The following EGF variants were observed in gnomAD, a reference collection of about 807,000 sequenced individuals.
The protein encoded by EGF is pro-epidermal growth factor.
In EGF, 95 loss-of-function variants were observed where a neutral mutation model predicts 143.8. The observed-to-expected ratio is 0.66, with a 90% CI of 0.56 to 0.78. The LOEUF (loss-of-function observed/expected upper bound fraction) is 0.78. Ranked by LOEUF, EGF falls within the 30% of genes least tolerant of loss-of-function variation. EGF has a pLI of 0.00. For missense variants in EGF, 1,320 were observed against 1,470.9 expected (o/e 0.90, Z 1.68); for synonymous variants, 510 against 510.5 (o/e 1.00, Z 0.01).
chr4:109,952,222 A>G lies in EGF; in HGVS notation c.940+6947A>G, dbSNP rs531032828. Among the ~76,000 whole-genome samples, 7 of 152,302 alleles carry G rather than the reference A, an allele frequency of 4.6e-5. No homozygotes were observed. In the East Asian group the frequency reaches 1.2e-3, roughly 25 times the overall value. ...TTTACAACTACTTTATTGCTCATAG[A>G]TATTATGTTGTAAAAGGTCCAAATA... On this transcript the variant is annotated intron_variant, in intron 5 of 23. Transcript: ENST00000265171.
Position 109,960,456 on chromosome 4 carries a change from G to A in EGF, c.1067-411G>A, listed in dbSNP as rs11568931. On this transcript the variant is annotated intron_variant, in intron 6 of 23. Transcript: ENST00000265171. ...GTCCCAGAGTTCAAGATCAGCCTGA[G>A]CAATGTAGCAAAACCCCATGTCTAC... Among the ~76,000 whole-genome samples the A allele has an allele frequency of 6.3e-3, 955 of 152,260 alleles. 8 individuals carry two copies. Among genetic ancestry groups the A allele is most frequent in the African/African-American group, 0.021 (893 of 41,542 alleles).
At chr4:109,932,185 G>C (rs1739823715) in intron 1 of EGF, among the ~76,000 whole-genome samples, 1 of 151,514 alleles carries the variant, frequency 6.6e-6, no homozygotes. Flanking sequence ...ATTAGTAAAA[G>C]CGCAAATAAA....
At chr4:109,994,974 T>G (rs1279957766) in intron 20 of EGF, 94 bp downstream of exon 20, 3 of 1,511,648 alleles carry the variant, frequency 2.0e-6, no homozygotes, top group Non-Finnish European at 2.7e-6. Context: ...GATGTTTTTC[T>G]GCAATTAGGT....
intron 1 of EGF, among the ~76,000 whole-genome samples, chr4:109,933,530 G>A (rs933046977): frequency 7.3e-5 from 11 of 150,988 alleles, no homozygotes; most frequent in African/African-American, 1.7e-4. Context: ...CCATCAACTC[G>A]TCGTTTACAT....
Position 109,964,445 on chromosome 4 carries a change from C to T in EGF, c.1483C>T (p.His495Tyr). 6.2e-7 allele frequency: 1 copy of T among 1,613,982 alleles called. No individual in the cohort carries two copies. Among genetic ancestry groups the T allele is most frequent in the Non-Finnish European group, 8.5e-7 (1 of 1,179,884 alleles). Reference sequence around the variant, plus strand: ...GTTTGCCAATTCTCAAGATATTCGACACATGCATTTTGATGGAACAGACTA... The same window carrying T: ...GTTTGCCAATTCTCAAGATATTCGATACATGCATTTTGATGGAACAGACTA... ...LLFANSQDIRHMHFDGTDYGT... is the reference protein window; with the variant it reads ...LLFANSQDIRYMHFDGTDYGT... Residue 495 changes from histidine to tyrosine, a missense_variant, in exon 10 of 24, where the codon CAC (histidine) becomes TAC (tyrosine). His to Tyr is a moderately conservative substitution (Grantham distance 83, BLOSUM62 2). Transcript: ENST00000265171.
intron 16 of EGF, among the ~76,000 whole-genome samples, chr4:109,986,611 C>T (rs1485938922): frequency 6.6e-6 from 1 of 152,148 alleles, no homozygotes; most frequent in African/African-American, 2.4e-5. Context: ...AAAATCTCTT[C>T]TGTACTAAGA....
intron 5 of EGF, among the ~76,000 whole-genome samples, chr4:109,948,642 C>T (rs1743269127): frequency 1.3e-5 from 2 of 152,080 alleles, no homozygotes; most frequent in African/African-American, 2.4e-5. Flanking sequence ...CATCATCACA[C>T]CTGGCTAATT....
intron 10 of EGF, among the ~76,000 whole-genome samples, chr4:109,967,054 C>T (rs1428957167): frequency 6.6e-6 from 1 of 152,002 alleles, no homozygotes; most frequent in South Asian, 2.1e-4. Context: ...TAATTAATTC[C>T]CATTTGTATA....
chr4:109,969,440 C>G (rs1342786508), intron 11 of EGF, among the ~76,000 whole-genome samples: 2 of 152,010 alleles, frequency 1.3e-5, no homozygotes, highest in Non-Finnish European at 2.9e-5. Context: ...ACATCACACA[C>G]TGGGGCCTTT....
chr4:109,916,210 G>C (rs915570530), intron 1 of EGF, among the ~76,000 whole-genome samples: 2 of 152,144 alleles, frequency 1.3e-5, no homozygotes, highest in African/African-American at 4.8e-5. Flanking sequence ...ACCGGCTAAG[G>C]CGTGGTCAGC....
At chr4:109,930,857 T>C (rs1175236614) in intron 1 of EGF, among the ~76,000 whole-genome samples, 1 of 152,254 alleles carries the variant, frequency 6.6e-6, no homozygotes, top group African/African-American at 2.4e-5. Context: ...ATCTTCAATG[T>C]GCTCCAAACA....
chr4:109,940,990 A>G lies in EGF; in HGVS notation c.172A>G (p.Arg58Gly), dbSNP rs770512561. Residue 58 changes from arginine (R) to glycine (G), a missense_variant, in exon 2 of 24, where the codon AGG becomes GGG. Physicochemically the swap from Arg to Gly is moderately radical, Grantham distance 125 (BLOSUM62 -2). Transcript: ENST00000265171. Reference protein sequence around the residue: ...LIFSHGNSIFRIDTEGTNYEQ... With the variant: ...LIFSHGNSIFGIDTEGTNYEQ... ...TTTCTCCCATGGAAATAGTATCTTTAGGATTGACACAGAAGGAACCAATTA... is the reference window on the plus strand; with the variant it reads ...TTTCTCCCATGGAAATAGTATCTTTGGGATTGACACAGAAGGAACCAATTA... 6 of 1,613,976 alleles carry G rather than the reference A, an allele frequency of 3.7e-6. No individual in the cohort carries two copies. The Admixed American group carries it at 1.0e-4, about 27-fold the overall frequency.
intron 3 of EGF, 26 bp downstream of exon 3, chr4:109,943,461 G>A (rs756517950): frequency 1.9e-6 from 3 of 1,601,608 alleles, no homozygotes; most frequent in South Asian, 1.1e-5. Flanking sequence ...TTCAGACATT[G>A]AAATATATTT....
chr4:109,960,773 T>G, intron 6 of EGF, 94 bp from the exon 7 acceptor site: 5,152 of 1,336,332 alleles, frequency 3.9e-3, no homozygotes, highest in Non-Finnish European at 5.0e-3. Flanking sequence ...TATACAAGTG[T>G]GAGATACCCT....
chr4:109,944,407 C>T (rs1304734755), intron 4 of EGF, among the ~76,000 whole-genome samples: 1 of 152,334 alleles, frequency 6.6e-6, no homozygotes, highest in East Asian at 1.9e-4. Flanking sequence ...CCACTGCACT[C>T]CAGCCTGGGC....
rs11569148 is a variant in EGF, at chr4:110,012,460, A to G, written c.*1005A>G. ...ACAATCATAGCTCAGTGCAGCCTCA[A>G]ACTCCTGGGCTCAAGCAATCCTCCT... On this transcript the variant is annotated 3_prime_UTR_variant, in exon 24 of 24. Coordinates refer to ENST00000265171, the MANE Select transcript of EGF (RefSeq NM_001963.6). 9.9e-5 allele frequency among the ~76,000 whole-genome samples: 15 copies of G among 152,030 alleles called. No homozygotes were observed. The highest frequency in any genetic ancestry group is 9.8e-4 in the Admixed American group (15 of 15,248).
intron 10 of EGF, among the ~76,000 whole-genome samples, chr4:109,965,140 T>C (rs1746342864): frequency 1.3e-5 from 2 of 152,172 alleles, no homozygotes; most frequent in Non-Finnish European, 2.9e-5. Context: ...AATTTCTTAG[T>C]TGTATCTGTG....
Position 109,966,966 on chromosome 4 carries a change from CA to C in EGF, c.1576-2003del, listed in dbSNP as rs1746706422. 2.6e-5 allele frequency among the ~76,000 whole-genome samples: 4 copies of C among 152,156 alleles called. No homozygotes were observed. In the South Asian group the frequency reaches 8.3e-4, roughly 32 times the overall value. On this transcript the variant is annotated intron_variant, in intron 10 of 23. Coordinates refer to ENST00000265171, the MANE Select transcript of EGF (RefSeq NM_001963.6). ...AGCCCTTTGTGAACTGCATTGTTTG[CA>C]AGTATTTTCTCCCATACTGTAGGTT...
chr4:109,921,635 T>C (rs1423897612), intron 1 of EGF, among the ~76,000 whole-genome samples: 1 of 151,584 alleles, frequency 6.6e-6, no homozygotes, highest in South Asian at 2.1e-4. Context: ...CAGGGTGCTA[T>C]GGACCAGCTT....
Sources: allele counts gnomAD v4.1 joint callset (sites outside exome capture counted in the v4.1 genomes callset), GRCh38; gene constraint gnomAD v4.1.1; transcripts MANE v1.5; gene names NCBI Gene and HGNC (gene_info 2026-07-23, HGNC 2026-07-21).